Variants in GSE1 observed in about 807,000 individuals in gnomAD.
GSE1 encodes Gse1 coiled-coil protein.
GSE1 carries 32 observed loss-of-function variants against 112.6 expected under a neutral mutation model. The observed-to-expected ratio is 0.28, with a 90% CI of 0.21 to 0.38. The LOEUF is 0.38. Among genes scored for constraint, GSE1 ranks in the 10% least tolerant of loss-of-function variants. The pLI, the probability that GSE1 is intolerant of heterozygous loss-of-function variation, is 1.00. For synonymous variants in GSE1, 1,115 were observed against 735.6 expected (o/e 1.52, Z -8.35); for missense variants, 2,348 against 1,699.2 (o/e 1.38, Z -6.71).
At chr16:85,565,857 G>A (rs1200666461) in intron 1 of GSE1, among the ~76,000 whole-genome samples, 2 of 152,328 alleles carry the variant, frequency 1.3e-5, no homozygotes, top group East Asian at 3.9e-4. Context: ...GGTCCCGATG[G>A]CGAGGGTTCC....
chr16:85,645,479 C>A (rs908529765), intron 2 of GSE1, among the ~76,000 whole-genome samples: 28 of 152,196 alleles, frequency 1.8e-4, no homozygotes, highest in African/African-American at 6.0e-4. Context: ...CAGGAAGCAA[C>A]GGACTTGCCC....
intron 1 of GSE1, among the ~76,000 whole-genome samples, chr16:85,176,359 CAG>C (rs1047769858): frequency 2.6e-4 from 39 of 152,358 alleles, no homozygotes; most frequent in African/African-American, 9.4e-4. Flanking sequence ...TAGAACATCT[CAG>C]GGGCAGGAGT....
intron 2 of GSE1, among the ~76,000 whole-genome samples, chr16:85,484,175 C>G (rs1243036208): frequency 1.3e-5 from 2 of 152,238 alleles, no homozygotes; most frequent in Admixed American, 6.5e-5. Context: ...TCCATCCTAA[C>G]AGTCTTCCAA....
chr16:85,371,917 C>A (rs1043936207), intron 2 of GSE1, among the ~76,000 whole-genome samples: 2 of 152,196 alleles, frequency 1.3e-5, no homozygotes, highest in African/African-American at 2.4e-5. Context: ...GCAGGAGGGG[C>A]TGGGAGAGGA....
intron 2 of GSE1, among the ~76,000 whole-genome samples, chr16:85,421,472 C>G (rs1344948389): frequency 6.6e-6 from 1 of 152,208 alleles, no homozygotes; most frequent in Non-Finnish European, 1.5e-5. Flanking sequence ...GGGGCAGGGC[C>G]TGGCCCCAGG....
At chr16:85,377,983 G>A (rs1454079652) in intron 2 of GSE1, among the ~76,000 whole-genome samples, 3 of 152,218 alleles carry the variant, frequency 2.0e-5, no homozygotes, top group Non-Finnish European at 4.4e-5. Context: ...TCCAGGAAGG[G>A]CTCTATCGGC....
chr16:85,564,391 G>T (rs2045650750), intron 1 of GSE1, among the ~76,000 whole-genome samples: 2 of 152,218 alleles, frequency 1.3e-5, no homozygotes, highest in Non-Finnish European at 2.9e-5. Context: ...GGTGTTGGTG[G>T]TGGTGTGTGG....
At chr16:85,489,332 G>A (rs1178776324) in intron 2 of GSE1, among the ~76,000 whole-genome samples, 1 of 152,032 alleles carries the variant, frequency 6.6e-6, no homozygotes, top group Non-Finnish European at 1.5e-5. Flanking sequence ...CCACCAAGAT[G>A]CAAGAGGCTA....
chr16:85,571,888 G>A (rs1481256604), intron 1 of GSE1, among the ~76,000 whole-genome samples: 2 of 152,144 alleles, frequency 1.3e-5, no homozygotes, highest in South Asian at 2.1e-4. Context: ...TGAGTTGGGC[G>A]TGGGGGCACA....
At chr16:85,341,212 A>G (rs1301370038) in intron 1 of GSE1, among the ~76,000 whole-genome samples, 2 of 151,698 alleles carry the variant, frequency 1.3e-5, no homozygotes, top group Non-Finnish European at 1.5e-5. Flanking sequence ...TTTTTTTTAA[A>G]TAAACAGGGT....
At chr16:85,404,368 C>G (rs1263410933) in intron 2 of GSE1, among the ~76,000 whole-genome samples, 1 of 53,258 alleles carries the variant, frequency 1.9e-5, no homozygotes, top group East Asian at 5.7e-4. Context: ...TCAGGGCCCC[C>G]CTGGATAATC....
intron 1 of GSE1, among the ~76,000 whole-genome samples, chr16:85,352,742 C>G (rs1418718772): frequency 6.6e-6 from 1 of 152,232 alleles, no homozygotes; most frequent in African/African-American, 2.4e-5. Context: ...AATCACAAAA[C>G]CCTGTGTGCC....
intron 2 of GSE1, among the ~76,000 whole-genome samples, chr16:85,543,457 C>T (rs1485696853): frequency 6.6e-6 from 1 of 152,194 alleles, no homozygotes; most frequent in Non-Finnish European, 1.5e-5. Context: ...ATGCCAGAGG[C>T]ACCAGGGTTG....
intron 1 of GSE1, among the ~76,000 whole-genome samples, chr16:85,568,052 G>T (rs1171504105): frequency 6.6e-6 from 1 of 152,186 alleles, no homozygotes; most frequent in Non-Finnish European, 1.5e-5. Flanking sequence ...TGGGGGAATG[G>T]TACCCTTCTA....
Position 85,648,547 on chromosome 16 carries a change from C to A in GSE1, c.227-5C>A. On this transcript the variant is annotated splice_region_variant and splice_polypyrimidine_tract_variant and intron_variant, in intron 2 of 15. Transcript: ENST00000253458. ...CCACTCAGGCCACCGTCTTCTCCTC[C>A]ACAGGGTCCTCACTGAGCAGCGAGT... The A allele has an allele frequency of 6.6e-7, 1 of 1,515,722 alleles. No individual in the cohort carries two copies. The highest frequency in any genetic ancestry group is 1.3e-5 in the South Asian group (1 of 79,454). 93.9% of individuals were successfully genotyped at this position (1,515,722 alleles called of 1,614,324 possible).
intron 1 of GSE1, among the ~76,000 whole-genome samples, chr16:85,287,951 CG>C (rs2045088965): frequency 6.6e-6 from 1 of 152,098 alleles, no homozygotes; most frequent in East Asian, 1.9e-4. Context: ...ATGAAATAAG[CG>C]CTATTGGCCG....
At chr16:85,272,755 C>G (rs76052989) in intron 1 of GSE1, among the ~76,000 whole-genome samples, 12,266 of 150,106 alleles carry the variant, frequency 0.082, 620 homozygotes, top group East Asian at 0.26. Context: ...TGCTTGCTTG[C>G]TTGCTTGTTT....
At chr16:85,267,303 G>A (rs1233584236) in intron 1 of GSE1, among the ~76,000 whole-genome samples, 3 of 151,326 alleles carry the variant, frequency 2.0e-5, no homozygotes, top group Non-Finnish European at 2.9e-5. Context: ...CATATTTTCC[G>A]AAACCATAAA....
chr16:85,436,983 C>T (rs150144236), intron 2 of GSE1, among the ~76,000 whole-genome samples: 89 of 152,252 alleles, frequency 5.8e-4, no homozygotes, highest in African/African-American at 2.0e-3. Flanking sequence ...CCGTCGAGGT[C>T]GACGCGGCGG....
Sources: allele counts gnomAD v4.1 joint callset (sites outside exome capture counted in the v4.1 genomes callset), GRCh38; gene constraint gnomAD v4.1.1; transcripts MANE v1.5; gene names NCBI Gene and HGNC (gene_info 2026-07-23, HGNC 2026-07-21).